TNNI3K: variants seen among roughly 807,000 people sequenced by gnomAD.
TNNI3K encodes serine/threonine-protein kinase TNNI3K.
In TNNI3K, 140 loss-of-function variants were observed where a neutral mutation model predicts 114.5. That is an observed-to-expected ratio of 1.22 (90% CI 1.07 to 1.41). TNNI3K has a LOEUF of 1.41. Ranked by LOEUF, TNNI3K falls within the 40% of genes most tolerant of loss-of-function variation. The pLI is 0.00. For missense variants in TNNI3K, 1,125 were observed against 1,007.6 expected (o/e 1.12, Z -1.58); for synonymous variants, 347 against 347.5 (o/e 1.00, Z 0.02).
intron 5 of TNNI3K, among the ~76,000 whole-genome samples, chr1:74,313,875 T>C (rs1413150460): frequency 6.6e-6 from 1 of 152,044 alleles, no homozygotes; most frequent in East Asian, 1.9e-4. Flanking sequence ...CTTAATGTTA[T>C]TGATGAGAAA....
chr1:74,450,500 T>C (rs1236048699), intron 20 of TNNI3K, among the ~76,000 whole-genome samples: 1 of 151,860 alleles, frequency 6.6e-6, no homozygotes, highest in Non-Finnish European at 1.5e-5. Context: ...TTATTATCTA[T>C]CTATCTGAAA....
At chr1:74,320,459 T>G (rs1296013612) in intron 5 of TNNI3K, among the ~76,000 whole-genome samples, 3 of 152,228 alleles carry the variant, frequency 2.0e-5, no homozygotes, top group African/African-American at 7.2e-5. Flanking sequence ...TACAACTGAT[T>G]ACACACATCT....
intron 11 of TNNI3K, among the ~76,000 whole-genome samples, chr1:74,358,637 T>G (rs892572295): frequency 1.3e-5 from 2 of 152,118 alleles, no homozygotes; most frequent in African/African-American, 2.4e-5. Flanking sequence ...ATTTCAAGTT[T>G]AGTTACTTAG....
chr1:74,386,782 G>T (rs1347267084), intron 17 of TNNI3K, among the ~76,000 whole-genome samples: 1 of 152,146 alleles, frequency 6.6e-6, no homozygotes, highest in Admixed American at 6.5e-5. Context: ...AATTGGTAGT[G>T]TGAAAGTTAA....
At chr1:74,509,747 C>CTTTTTT (rs68193106) in intron 23 of TNNI3K, among the ~76,000 whole-genome samples, 20 of 47,816 alleles carry the variant, frequency 4.2e-4, no homozygotes, top group South Asian at 1.4e-3. Context: ...ATCTGAATTT[C>CTTTTTT]TTTTTTTTTT....
At chr1:74,363,868 G>A (rs1175606089) in intron 11 of TNNI3K, among the ~76,000 whole-genome samples, 1 of 151,200 alleles carries the variant, frequency 6.6e-6, no homozygotes, top group East Asian at 2.0e-4. Context: ...AAGCACTATA[G>A]GTCCTATTAA....
At chr1:74,511,208 C>G (rs1295232735) in intron 23 of TNNI3K, among the ~76,000 whole-genome samples, 1 of 101,474 alleles carries the variant, frequency 9.9e-6, no homozygotes, top group Non-Finnish European at 2.0e-5. Context: ...TTTTTTTTTT[C>G]CGAGATGGAA....
chr1:74,538,475 C>T (rs760128827), intron 23 of TNNI3K, among the ~76,000 whole-genome samples: 2 of 152,020 alleles, frequency 1.3e-5, no homozygotes, highest in Non-Finnish European at 2.9e-5. Flanking sequence ...TAGCAGGGAA[C>T]AAGAGAAACA....
intron 17 of TNNI3K, among the ~76,000 whole-genome samples, chr1:74,390,730 A>G (rs1483424455): frequency 1.3e-5 from 2 of 152,110 alleles, no homozygotes; most frequent in East Asian, 1.9e-4. Context: ...TATTTTAGAT[A>G]TGGTAAGTGC....
intron 5 of TNNI3K, among the ~76,000 whole-genome samples, chr1:74,301,301 G>A (rs865793828): frequency 2.6e-5 from 4 of 152,100 alleles, no homozygotes; most frequent in South Asian, 2.1e-4. Flanking sequence ...TAGGGAGGCT[G>A]AGGCAGGAGA....
chr1:74,467,324 C>G (rs642167), intron 21 of TNNI3K, among the ~76,000 whole-genome samples: 87,565 of 151,918 alleles, frequency 0.58, 25,318 homozygotes, highest in East Asian at 0.68. Context: ...TCTAGGTTAT[C>G]AACTGTGCTT....
intron 5 of TNNI3K, among the ~76,000 whole-genome samples, chr1:74,293,693 T>A (rs1657810714): frequency 6.6e-6 from 1 of 151,732 alleles, no homozygotes; most frequent in South Asian, 2.1e-4. Flanking sequence ...CTTTCCTTAT[T>A]TCATTGGCAC....
intron 20 of TNNI3K, among the ~76,000 whole-genome samples, chr1:74,447,084 A>T (rs1310794654): frequency 2.0e-5 from 3 of 150,840 alleles, no homozygotes; most frequent in East Asian, 1.9e-4. Flanking sequence ...GAAGAAAGTC[A>T]TTGGTAGCTT....
intron 21 of TNNI3K, among the ~76,000 whole-genome samples, chr1:74,486,575 A>C (rs1668780884): frequency 6.6e-6 from 1 of 151,298 alleles, no homozygotes; most frequent in African/African-American, 2.4e-5. Context: ...AAAGGCTATA[A>C]ATATAATTAA....
At chr1:74,447,409 A>G (rs1269590264) in intron 20 of TNNI3K, among the ~76,000 whole-genome samples, 1 of 149,100 alleles carries the variant, frequency 6.7e-6, no homozygotes, top group Non-Finnish European at 1.5e-5. Flanking sequence ...AAACAAATTT[A>G]CAAGAAAAAA....
chr1:74,415,993 G>A (rs1205712233), intron 17 of TNNI3K, among the ~76,000 whole-genome samples: 1 of 152,122 alleles, frequency 6.6e-6, no homozygotes. Context: ...AGAATCATCA[G>A]TGTGGGAAGG....
chr1:74,436,320 CTA>C (rs765912643), intron 18 of TNNI3K, among the ~76,000 whole-genome samples, 152 bp from the exon 19 acceptor site: 4 of 151,906 alleles, frequency 2.6e-5, no homozygotes, highest in Non-Finnish European at 5.9e-5. Context: ...TCATTTATTT[CTA>C]GTTTTTCTTC....
intron 17 of TNNI3K, among the ~76,000 whole-genome samples, chr1:74,415,937 CT>C (rs1193372824): frequency 4.6e-5 from 7 of 152,156 alleles, no homozygotes; most frequent in African/African-American, 1.7e-4. Context: ...AAGGAATATG[CT>C]TTAGATAATT....
At position 74,318,775 on chromosome 1, in the gene TNNI3K, A is replaced by G. The variant is rs545307224; in HGVS notation, c.445-12675A>G. Among the ~76,000 whole-genome samples the G allele has an allele frequency of 2.0e-5, 3 of 152,276 alleles. No homozygotes were observed. In the East Asian group the frequency reaches 5.8e-4, roughly 29 times the overall value. ...CTAACCTGTATGTTGCTTTGGAGTA[A>G]TTAATTTATTTTTGACCCCCAGTGC... On this transcript the variant is annotated intron_variant, in intron 5 of 24. Coordinates refer to ENST00000326637, the MANE Select transcript of TNNI3K (RefSeq NM_015978.3).
Sources: allele counts gnomAD v4.1 joint callset (sites outside exome capture counted in the v4.1 genomes callset), GRCh38; gene constraint gnomAD v4.1.1; transcripts MANE v1.5; gene names NCBI Gene and HGNC (gene_info 2026-07-23, HGNC 2026-07-21).